CHRNA7: variants seen among roughly 807,000 people sequenced by gnomAD.
The protein encoded by CHRNA7 is cholinergic receptor nicotinic alpha 7 subunit, also known as neuronal acetylcholine receptor subunit alpha-7.
A neutral mutation model predicts 48.0 loss-of-function variants in CHRNA7; 17 were observed. The ratio of observed to expected loss-of-function variants is 0.35; its 90% CI spans 0.24 to 0.53. The LOEUF (loss-of-function observed/expected upper bound fraction) is 0.53, where lower values mean the gene tolerates loss of function less well. Ranked by LOEUF, CHRNA7 falls within the 20% of genes least tolerant of loss-of-function variation. The pLI is 0.92. For missense variants in CHRNA7, 155 were observed against 577.7 expected, an observed-to-expected ratio of 0.27 and a Z score of 7.50; for synonymous variants, 75 against 242.3, an observed-to-expected ratio of 0.31 and a Z score of 6.41.
At chr15:32,106,996 T>A (rs187792616) in intron 3 of CHRNA7, among the ~76,000 whole-genome samples, 1 of 152,262 alleles carries the variant, frequency 6.6e-6, no homozygotes, top group Admixed American at 6.5e-5. Context: ...CATCTCAAGG[T>A]GAAGAGCGAT....
intron 3 of CHRNA7, among the ~76,000 whole-genome samples, chr15:32,104,228 T>A (rs1344058645): frequency 6.6e-6 from 1 of 151,976 alleles, no homozygotes; most frequent in Non-Finnish European, 1.5e-5. Context: ...CTGGCTGCAC[T>A]CACTGTCCAC....
chr15:32,157,791 A>T lies in CHRNA7; in HGVS notation c.598+16A>T. ...GACCTAGTGGGTAAGCCATGGGACTAACCGCCTGGAAGAAAGCTTTCCTAT... is the reference window on the plus strand; with the variant it reads ...GACCTAGTGGGTAAGCCATGGGACTTACCGCCTGGAAGAAAGCTTTCCTAT... On this transcript the variant is annotated intron_variant, in intron 6 of 9. Coordinates refer to ENST00000306901, the MANE Select transcript of CHRNA7 (RefSeq NM_000746.6). 1 of 1,284,660 alleles carries T rather than the reference A, an allele frequency of 7.8e-7. No homozygotes were observed. Among genetic ancestry groups the T allele is most frequent in the South Asian group, 1.2e-5 (1 of 81,054 alleles). 79.6% of individuals were successfully genotyped at this position (1,284,660 alleles called of 1,614,324 possible). A position where few individuals can be genotyped will look rare whatever the true frequency, so the allele number is the denominator to read the frequency against.
At chr15:32,085,887 T>C (rs1402058368) in intron 2 of CHRNA7, among the ~76,000 whole-genome samples, 3 of 152,244 alleles carry the variant, frequency 2.0e-5, no homozygotes, top group Admixed American at 6.5e-5. Flanking sequence ...GCTGCTCTTA[T>C]TGTGGCTTGC....
chr15:32,070,524 A>G (rs1029341705), intron 2 of CHRNA7, among the ~76,000 whole-genome samples: 1 of 151,990 alleles, frequency 6.6e-6, no homozygotes, highest in Non-Finnish European at 1.5e-5. Context: ...TTTTAGTGTC[A>G]TGTCCAAGAA....
intron 2 of CHRNA7, among the ~76,000 whole-genome samples, chr15:32,073,223 A>T (rs2050085579): frequency 6.6e-6 from 1 of 152,080 alleles, no homozygotes; most frequent in South Asian, 2.1e-4. Flanking sequence ...GAGTCAAAGG[A>T]GGTTATATTG....
intron 3 of CHRNA7, chr15:32,102,245 A>G (rs759613286): frequency 2.0e-5 from 3 of 152,200 alleles, no homozygotes; most frequent in Non-Finnish European, 2.9e-5. Context: ...TCCAGGTTCA[A>G]GTGATTCTCC....
At chr15:32,081,057 A>C (rs949167315) in intron 2 of CHRNA7, among the ~76,000 whole-genome samples, 1 of 152,222 alleles carries the variant, frequency 6.6e-6, no homozygotes, top group Non-Finnish European at 1.5e-5. Flanking sequence ...CAAACACTGC[A>C]TATTCTCATA....
intron 2 of CHRNA7, among the ~76,000 whole-genome samples, chr15:32,040,043 C>G (rs2049418994): frequency 1.3e-5 from 2 of 152,084 alleles, no homozygotes; most frequent in Non-Finnish European, 2.9e-5. Flanking sequence ...GAAGTACGCT[C>G]TATCTGAAAT....
intron 2 of CHRNA7, among the ~76,000 whole-genome samples, chr15:32,042,608 G>A (rs1230050224): frequency 1.3e-5 from 2 of 152,188 alleles, no homozygotes; most frequent in African/African-American, 4.8e-5. Flanking sequence ...GCCAATTCCA[G>A]TTTCAGGTTT....
intron 2 of CHRNA7, among the ~76,000 whole-genome samples, chr15:32,038,569 A>G (rs957761034): frequency 4.6e-5 from 7 of 152,298 alleles, no homozygotes; most frequent in Admixed American, 3.3e-4. Context: ...GGGTTTCACT[A>G]TGTTGCTCAG....
In CHRNA7 at chr15:32,133,855, C is replaced by T. The variant is rs774555846; in HGVS notation, c.351-20052C>T. ...GGGCACCTGGAGAGAAGTCCCCCTC[C>T]GGCCAGGTCCACAGGATCTCCATAG... On this transcript the variant is annotated intron_variant, in intron 4 of 9. Coordinates refer to ENST00000306901, the MANE Select transcript of CHRNA7 (RefSeq NM_000746.6). 9.8e-5 allele frequency among the ~76,000 whole-genome samples: 15 copies of T among 152,306 alleles called. No individual in the cohort carries two copies. In the South Asian group the frequency reaches 2.1e-3, roughly 21 times the overall value.
rs181397494 is a variant in CHRNA7, at chr15:32,067,042, A to G, written c.196-34261A>G. 1.3e-4 allele frequency among the ~76,000 whole-genome samples: 20 copies of G among 152,352 alleles called. No individual in the cohort carries two copies. In the South Asian group the frequency reaches 2.3e-3, roughly 17 times the overall value. ...CTAAGCATCAGAAACCTGTGAGAAA[A>G]CAATCATAGCAACATACGCAAAAGA... On this transcript the variant is annotated intron_variant, in intron 2 of 9. Transcript: ENST00000306901.
At chr15:32,136,539 A>G (rs1030149867) in intron 4 of CHRNA7, among the ~76,000 whole-genome samples, 2 of 151,974 alleles carry the variant, frequency 1.3e-5, no homozygotes, top group African/African-American at 4.8e-5. Context: ...ACTGGAAAAT[A>G]TAGCATGAAA....
chr15:32,135,741 A>G (rs769107023), intron 4 of CHRNA7, among the ~76,000 whole-genome samples: 4 of 152,186 alleles, frequency 2.6e-5, no homozygotes, highest in Non-Finnish European at 5.9e-5. Flanking sequence ...GAGGAAAGAT[A>G]TGTGATAGGA....
intron 4 of CHRNA7, among the ~76,000 whole-genome samples, chr15:32,130,798 T>A (rs1480967159): frequency 6.6e-6 from 1 of 152,034 alleles, no homozygotes; most frequent in East Asian, 1.9e-4. Flanking sequence ...CTTTTATTGT[T>A]TTTTTCTCTC....
intron 2 of CHRNA7, among the ~76,000 whole-genome samples, chr15:32,090,928 T>G (rs191924653): frequency 1.3e-3 from 202 of 152,310 alleles, no homozygotes; most frequent in African/African-American, 4.7e-3. Context: ...TTCCATCTCT[T>G]TATCTTTCTG....
chr15:32,118,127 T>G (rs530264095), intron 4 of CHRNA7, among the ~76,000 whole-genome samples: 39 of 152,264 alleles, frequency 2.6e-4, no homozygotes, highest in Admixed American at 2.0e-3. Flanking sequence ...GACTGATAAC[T>G]TGATAAGAAG....
At chr15:32,102,618 T>C (rs2050592991) in intron 3 of CHRNA7, 1 of 152,236 alleles carries the variant, frequency 6.6e-6, no homozygotes, top group African/African-American at 2.4e-5. Flanking sequence ...TTTAAGTAAT[T>C]ATAAAACATA....
rs546024830 is a variant in CHRNA7, at chr15:32,150,985, G to A, written c.351-2922G>A. 8.6e-5 allele frequency among the ~76,000 whole-genome samples: 13 copies of A among 151,818 alleles called. No individual in the cohort carries two copies. In the South Asian group the frequency reaches 1.9e-3, roughly 22 times the overall value. On this transcript the variant is annotated intron_variant, in intron 4 of 9. Transcript: ENST00000306901. ...GTCCTTTCATGACAACTTGGCTCTC[G>A]CCTTCTCTCCCTCTCTCCTTTCTCT...
Sources: gnomAD v4.1 joint callset for allele counts (sites outside exome capture counted in the v4.1 genomes callset) on GRCh38, gnomAD v4.1.1 for gene constraint, MANE v1.5 for transcripts, NCBI Gene and HGNC (gene_info 2026-07-23, HGNC 2026-07-21) for gene names.